Variants in SCN10A observed in about 807,000 individuals in gnomAD.
The protein encoded by SCN10A is sodium voltage-gated channel alpha subunit 10, also known as sodium channel protein type 10 subunit alpha.
A neutral mutation model predicts 170.7 loss-of-function variants in SCN10A; 162 were observed. The observed-to-expected ratio is 0.95, with a 90% CI of 0.84 to 1.08. SCN10A has a LOEUF of 1.08. Among genes scored for constraint, SCN10A ranks in the 50% least tolerant of loss-of-function variants. SCN10A has a pLI of 0.00. For synonymous variants in SCN10A, 985 were observed against 904.6 expected (o/e 1.09, Z -1.59); for missense variants, 2,527 against 2,436.9 (o/e 1.04, Z -0.78).
chr3:38,762,643 G>T (rs1022558380), intron 6 of SCN10A, among the ~76,000 whole-genome samples: 2 of 152,146 alleles, frequency 1.3e-5, no homozygotes, highest in African/African-American at 4.8e-5. Flanking sequence ...AAGACTCAGG[G>T]TCTTCCCAGT....
At chr3:38,752,780 G>A (rs1421804255) in intron 11 of SCN10A, among the ~76,000 whole-genome samples, 1 of 152,180 alleles carries the variant, frequency 6.6e-6, no homozygotes, top group African/African-American at 2.4e-5. Context: ...ATCATGGTCA[G>A]GAACATGTCA....
At chr3:38,784,176 T>C (rs1261804998) in intron 4 of SCN10A, among the ~76,000 whole-genome samples, 1 of 152,124 alleles carries the variant, frequency 6.6e-6, no homozygotes, top group Non-Finnish European at 1.5e-5. Context: ...GTATCAGTTT[T>C]TTCCTGTATA....
At chr3:38,713,525 A>G (rs1223540015) in intron 22 of SCN10A, among the ~76,000 whole-genome samples, 1 of 152,054 alleles carries the variant, frequency 6.6e-6, no homozygotes, top group African/African-American at 2.4e-5. Flanking sequence ...GGGCCCACAA[A>G]AAGACTTGAA....
At chr3:38,713,246 T>C (rs1246183235) in intron 22 of SCN10A, among the ~76,000 whole-genome samples, 2 of 152,018 alleles carry the variant, frequency 1.3e-5, no homozygotes, top group Non-Finnish European at 1.5e-5. Flanking sequence ...GATGATTGCA[T>C]TAAGTAGGAG....
chr3:38,801,680 A>G (rs1048443662), intron 1 of SCN10A, among the ~76,000 whole-genome samples: 1 of 151,966 alleles, frequency 6.6e-6, no homozygotes, highest in African/African-American at 2.4e-5. Flanking sequence ...TAAGAACCCA[A>G]TAGAGGTCTT....
chr3:38,800,093 G>A (rs1284591032), intron 1 of SCN10A, among the ~76,000 whole-genome samples: 1 of 152,150 alleles, frequency 6.6e-6, no homozygotes, highest in Non-Finnish European at 1.5e-5. Context: ...TGCCATCACA[G>A]ATGGGTAAAG....
chr3:38,740,790 T>A lies in SCN10A; in HGVS notation c.2107-1102A>T, dbSNP rs539436179. Among the ~76,000 whole-genome samples, 76 of 152,308 alleles carry A rather than the reference T, an allele frequency of 5.0e-4. 3 individuals carry two copies. The South Asian group carries it at 0.015, about 29-fold the overall frequency. On this transcript the variant is annotated intron_variant, in intron 14 of 27. Coordinates refer to ENST00000449082, the MANE Select transcript of SCN10A (RefSeq NM_006514.4). The stretch of plus-strand genomic sequence containing the variant: ...CACCAAGCACATGACTTTCTTGCTT[T>A]AAAAAAGTGGCACTTTCCTCTGACA...
intron 5 of SCN10A, among the ~76,000 whole-genome samples, chr3:38,765,958 GA>G (rs1254463774): frequency 6.8e-6 from 1 of 148,118 alleles, no homozygotes; most frequent in African/African-American, 2.5e-5. Flanking sequence ...ATATTCCTAA[GA>G]TTTTTTTGTT....
intron 5 of SCN10A, among the ~76,000 whole-genome samples, chr3:38,769,900 G>A (rs1378713134): frequency 6.6e-6 from 1 of 152,182 alleles, no homozygotes; most frequent in Non-Finnish European, 1.5e-5. Flanking sequence ...CAAGAGTCCT[G>A]TGATGTGATT....
At chr3:38,700,899 G>T (rs1456500835) in intron 27 of SCN10A, among the ~76,000 whole-genome samples, 1 of 152,140 alleles carries the variant, frequency 6.6e-6, no homozygotes. Context: ...GCCTTTATAG[G>T]GTCAAACTTC....
At chr3:38,762,325 G>A (rs1321955460) in intron 6 of SCN10A, among the ~76,000 whole-genome samples, 1 of 152,144 alleles carries the variant, frequency 6.6e-6, no homozygotes, top group Non-Finnish European at 1.5e-5. Flanking sequence ...CTGAGCAGAT[G>A]GGCACACAGG....
At chr3:38,741,859 G>T (rs1420634779) in intron 14 of SCN10A, among the ~76,000 whole-genome samples, 1 of 152,088 alleles carries the variant, frequency 6.6e-6, no homozygotes, top group East Asian at 1.9e-4. Context: ...GAAAATCGTG[G>T]CTACTGTTAA....
intron 25 of SCN10A, among the ~76,000 whole-genome samples, chr3:38,708,757 G>T (rs530821160): frequency 2.6e-4 from 40 of 152,238 alleles, no homozygotes; most frequent in Admixed American, 1.3e-3. Context: ...ACTCAGAGGG[G>T]TTTAAAATAT....
chr3:38,793,595 T>C, intron 2 of SCN10A, 146 bp downstream of exon 2: 1 of 574,562 alleles, frequency 1.7e-6, no homozygotes, highest in Non-Finnish European at 3.0e-6. Flanking sequence ...AAGTTAGAGA[T>C]ATATATATAT....
intron 23 of SCN10A, among the ~76,000 whole-genome samples, 161 bp from the exon 24 acceptor site, chr3:38,711,058 C>T (rs78521824): frequency 1.3e-5 from 2 of 152,314 alleles, no homozygotes; most frequent in East Asian, 3.9e-4. Context: ...CTTGACTAAT[C>T]TCATATGATG....
intron 4 of SCN10A, among the ~76,000 whole-genome samples, chr3:38,788,614 G>T (rs1231742962): frequency 7.2e-6 from 1 of 138,012 alleles, no homozygotes; most frequent in Admixed American, 7.4e-5. Flanking sequence ...GTGAGTGTGT[G>T]TGTGTTGGGG....
In SCN10A at chr3:38,808,163, TC is replaced by T. The variant is rs1374171556; in HGVS notation, c.-33+7873del. Among the ~76,000 whole-genome samples, 34 of 152,178 alleles carry T rather than the reference TC, an allele frequency of 2.2e-4. No individual in the cohort carries two copies. In the South Asian group the frequency reaches 6.2e-3, roughly 28 times the overall value. ...CTTGTACATCACCCTTTTCCTTGTTTCCCCCCTAGTAGTTACCCTGGTCTTC... is the reference window on the plus strand; with the variant it reads ...CTTGTACATCACCCTTTTCCTTGTTTCCCCCTAGTAGTTACCCTGGTCTTC... On this transcript the variant is annotated intron_variant, in intron 1 of 27. Transcript: ENST00000449082.
chr3:38,769,922 C>T (rs1421844983), intron 5 of SCN10A, among the ~76,000 whole-genome samples: 1 of 152,184 alleles, frequency 6.6e-6, no homozygotes, highest in Non-Finnish European at 1.5e-5. Flanking sequence ...ATCTTGAAGT[C>T]TCCCAGCCAT....
intron 9 of SCN10A, 28 bp from the exon 10 acceptor site, chr3:38,756,899 C>G (rs764963646): frequency 3.1e-6 from 5 of 1,612,634 alleles, no homozygotes; most frequent in Non-Finnish European, 4.2e-6. Context: ...AGAAGAGAAA[C>G]CTGTACCCAT....
Sources: allele counts gnomAD v4.1 joint callset (sites outside exome capture counted in the v4.1 genomes callset), GRCh38; gene constraint gnomAD v4.1.1; transcripts MANE v1.5; gene names NCBI Gene and HGNC (gene_info 2026-07-23, HGNC 2026-07-21).